MYO10: variants seen among roughly 807,000 people sequenced by gnomAD.
MYO10 encodes myosin X.
MYO10 carries 133 observed loss-of-function variants against 257.3 expected under a neutral mutation model. The observed-to-expected ratio is 0.52, with a 90% CI of 0.45 to 0.60. The LOEUF (loss-of-function observed/expected upper bound fraction) is 0.60, where lower values mean the gene tolerates loss of function less well. MYO10 is among the 20% of genes least tolerant of loss of function. The probability of loss-of-function intolerance (pLI) is 0.00; values close to 1 mark genes in which losing one functional copy is unlikely to be tolerated. For missense variants in MYO10, 2,399 were observed against 2,635.7 expected (o/e 0.91, Z 1.97); for synonymous variants, 1,104 against 1,028.6 (o/e 1.07, Z -1.40).
At chr5:16,685,688 CGT>C in intron 29 of MYO10, 48 bp downstream of exon 29, 2 of 1,281,514 alleles carry the variant, frequency 1.6e-6, no homozygotes, top group Non-Finnish European at 1.1e-6. Flanking sequence ...ACGCCCTCCC[CGT>C]CCCTGCCCCT....
chr5:16,837,136 C>G (rs944358760), intron 2 of MYO10, among the ~76,000 whole-genome samples: 1 of 152,026 alleles, frequency 6.6e-6, no homozygotes, highest in East Asian at 1.9e-4. Context: ...CATGGAGAAA[C>G]CCCATCTCTA....
intron 31 of MYO10, 83 bp downstream of exon 31, chr5:16,681,788 G>C: frequency 6.9e-7 from 1 of 1,456,774 alleles, no homozygotes. Flanking sequence ...AAAGCAGCTC[G>C]AAATGAAAAT....
chr5:16,879,039 G>A (rs545774701), intron 1 of MYO10, among the ~76,000 whole-genome samples: 3 of 151,420 alleles, frequency 2.0e-5, no homozygotes, highest in African/African-American at 7.3e-5. Flanking sequence ...CCCATATGAT[G>A]GAATGCAACA....
chr5:16,797,370 G>C (rs1742001428), intron 3 of MYO10, among the ~76,000 whole-genome samples: 1 of 152,050 alleles, frequency 6.6e-6, no homozygotes. Context: ...CTGGATAAGG[G>C]TTACTCAACC....
chr5:16,911,489 C>CG (rs1234727659), intron 1 of MYO10, among the ~76,000 whole-genome samples: 1 of 152,084 alleles, frequency 6.6e-6, no homozygotes, highest in Non-Finnish European at 1.5e-5. Context: ...CCCAGCACCT[C>CG]GGGAGGCTGA....
chr5:16,857,692 A>G (rs1743999172), intron 2 of MYO10, among the ~76,000 whole-genome samples: 1 of 152,202 alleles, frequency 6.6e-6, no homozygotes, highest in Non-Finnish European at 1.5e-5. Context: ...AGCAAGAAAC[A>G]TGAGTTTTGC....
chr5:16,717,295 A>T (rs1394050103), intron 19 of MYO10, among the ~76,000 whole-genome samples: 3 of 152,352 alleles, frequency 2.0e-5, no homozygotes, highest in Non-Finnish European at 2.9e-5. Flanking sequence ...CATGGGATAT[A>T]ACTCTGAAAG....
At chr5:16,742,817 A>T (rs1233657557) in intron 19 of MYO10, among the ~76,000 whole-genome samples, 1 of 150,734 alleles carries the variant, frequency 6.6e-6, no homozygotes, top group Non-Finnish European at 1.5e-5. Context: ...GTCTCAAAAA[A>T]AAAAAAATAC....
intron 1 of MYO10, among the ~76,000 whole-genome samples, chr5:16,894,649 C>T (rs981421304): frequency 1.3e-5 from 2 of 152,180 alleles, no homozygotes; most frequent in Non-Finnish European, 2.9e-5. Context: ...TGCCAGAGAT[C>T]CAGCGCAAAG....
At chr5:16,733,407 G>C (rs1739664379) in intron 19 of MYO10, among the ~76,000 whole-genome samples, 1 of 152,022 alleles carries the variant, frequency 6.6e-6, no homozygotes, top group Middle Eastern at 3.4e-3. Flanking sequence ...AGATATAGCT[G>C]ATTTATAAAT....
chr5:16,874,682 C>T (rs1744548919), intron 2 of MYO10, among the ~76,000 whole-genome samples: 1 of 152,164 alleles, frequency 6.6e-6, no homozygotes, highest in Admixed American at 6.5e-5. Flanking sequence ...GTATTTCTGT[C>T]AATGCTATTC....
At chr5:16,882,148 C>T (rs1483087262) in intron 1 of MYO10, among the ~76,000 whole-genome samples, 1 of 152,108 alleles carries the variant, frequency 6.6e-6, no homozygotes, top group African/African-American at 2.4e-5. Context: ...AATTCCTATC[C>T]CCCTTTGAAC....
intron 1 of MYO10, among the ~76,000 whole-genome samples, chr5:16,889,542 G>A (rs920048735): frequency 1.2e-4 from 18 of 146,992 alleles, no homozygotes; most frequent in Admixed American, 3.4e-4. Flanking sequence ...AAGGGCGGAC[G>A]AAAGGAAGGA....
chr5:16,918,262 T>C (rs1456048661), intron 1 of MYO10, among the ~76,000 whole-genome samples: 6 of 151,966 alleles, frequency 3.9e-5, no homozygotes, highest in Admixed American at 3.9e-4. Flanking sequence ...GTCACTTCCA[T>C]CTACAAGGCA....
chr5:16,935,714 G>A lies in MYO10; in HGVS notation c.21+74C>T, dbSNP rs1580168478. The stretch of plus-strand genomic sequence containing the variant: ...TCCAGGGCTTAGGAAAAAGTACCCA[G>A]GGCGCGCGGCGTGGTGGGCAGACGC... On this transcript the variant is annotated intron_variant, in intron 1 of 40. Coordinates refer to ENST00000513610, the MANE Select transcript of MYO10 (RefSeq NM_012334.3). 4.4e-6 allele frequency: 7 copies of A among 1,587,158 alleles called. No homozygotes were observed. The East Asian group carries it at 6.7e-5, about 15-fold the overall frequency.
intron 2 of MYO10, among the ~76,000 whole-genome samples, chr5:16,834,334 T>G (rs977498159): frequency 6.6e-6 from 1 of 152,144 alleles, no homozygotes; most frequent in Non-Finnish European, 1.5e-5. Context: ...GTGGCTGATT[T>G]CCTGGTGCAC....
chr5:16,791,945 A>G (rs867584504), intron 4 of MYO10, among the ~76,000 whole-genome samples: 1 of 152,090 alleles, frequency 6.6e-6, no homozygotes, highest in African/African-American at 2.4e-5. Flanking sequence ...ATTTCGATTA[A>G]CTGCAAGCCG....
intron 29 of MYO10, among the ~76,000 whole-genome samples, chr5:16,684,348 T>C (rs1284186480): frequency 6.6e-6 from 1 of 152,204 alleles, no homozygotes; most frequent in Non-Finnish European, 1.5e-5. Flanking sequence ...GTTCAAGTGA[T>C]TCTCGTGCCT....
In MYO10 at chr5:16,830,683, A is replaced by ACACACACACACACT. The variant is rs1462276135; in HGVS notation, c.121-12517_121-12516insAGTGTGTGTGTGTG. 2.8e-4 allele frequency among the ~76,000 whole-genome samples: 42 copies of ACACACACACACACT among 152,000 alleles called. 1 individual carries two copies. Among genetic ancestry groups the ACACACACACACACT allele is most frequent in the African/African-American group, 8.7e-4 (36 of 41,452 alleles). ...CTAACGTTATTTTTTTAATAGGCACACACACACACACACACACAGGGCGAC... is the reference window on the plus strand; with the variant it reads ...CTAACGTTATTTTTTTAATAGGCACACACACACACACACTCACACACACACACACACAGGGCGAC... On this transcript the variant is annotated intron_variant, in intron 2 of 40. Coordinates refer to ENST00000513610, the MANE Select transcript of MYO10 (RefSeq NM_012334.3).
Sources: allele counts gnomAD v4.1 joint callset (sites outside exome capture counted in the v4.1 genomes callset), GRCh38; gene constraint gnomAD v4.1.1; transcripts MANE v1.5; gene names NCBI Gene and HGNC (gene_info 2026-07-23, HGNC 2026-07-21).